The following PPFIA2 variants were observed in gnomAD, a reference collection of about 807,000 sequenced individuals.
PPFIA2 encodes the protein PPFI scaffold protein A2, also known as liprin-alpha-2.
In PPFIA2, 46 loss-of-function variants were observed where a neutral mutation model predicts 175.5. That is an observed-to-expected ratio of 0.26 (90% CI 0.21 to 0.34). PPFIA2 has a LOEUF of 0.34. PPFIA2 is among the 10% of genes least tolerant of loss of function. The pLI, the probability that PPFIA2 is intolerant of heterozygous loss-of-function variation, is 1.00. For synonymous variants in PPFIA2, 568 were observed against 511.4 expected, an observed-to-expected ratio of 1.11 and a Z score of -1.49; for missense variants, 1,179 against 1,506.1, an observed-to-expected ratio of 0.78 and a Z score of 3.60.
chr12:81,343,692 C>T (rs547427900), intron 19 of PPFIA2, among the ~76,000 whole-genome samples: 1 of 152,140 alleles, frequency 6.6e-6, no homozygotes, highest in South Asian at 2.1e-4. Flanking sequence ...GAAAGCTCTA[C>T]TCAATTATCT....
At position 81,486,961 on chromosome 12, in the gene PPFIA2, G is replaced by A. The variant is rs555698084; in HGVS notation, c.304-29095C>T. 2.6e-5 allele frequency among the ~76,000 whole-genome samples: 4 copies of A among 151,886 alleles called. No individual in the cohort carries two copies. In the South Asian group the frequency reaches 8.3e-4, roughly 32 times the overall value. On this transcript the variant is annotated intron_variant, in intron 4 of 32. Transcript: ENST00000549396. ...ATAGTCAAATAATAAACCATATAAAGCCTTGGTACCAGATTTCTTTTAAAA... is the reference window on the plus strand; with the variant it reads ...ATAGTCAAATAATAAACCATATAAAACCTTGGTACCAGATTTCTTTTAAAA...
intron 3 of PPFIA2, among the ~76,000 whole-genome samples, chr12:81,704,022 G>A (rs2076808794): frequency 6.6e-6 from 1 of 152,082 alleles, no homozygotes. Flanking sequence ...TTGTTTACCT[G>A]TTTGTTGTTT....
chr12:81,721,243 A>G (rs975090877), intron 3 of PPFIA2, among the ~76,000 whole-genome samples: 1 of 151,318 alleles, frequency 6.6e-6, no homozygotes, highest in African/African-American at 2.4e-5. Flanking sequence ...AGGTTTTCCT[A>G]GAAAAATTTC....
chr12:81,505,083 T>C lies in PPFIA2; in HGVS notation c.304-47217A>G, dbSNP rs115599498. On this transcript the variant is annotated intron_variant, in intron 4 of 32. Transcript: ENST00000549396. ...GCATGTAGCAGTGGTACATTCCCACTTCCAAATATATTCTGATTTAGTGAG... is the reference window on the plus strand; with the variant it reads ...GCATGTAGCAGTGGTACATTCCCACCTCCAAATATATTCTGATTTAGTGAG... 1.4e-3 allele frequency among the ~76,000 whole-genome samples: 207 copies of C among 152,188 alleles called. 2 individuals carry two copies. Among genetic ancestry groups the C allele is most frequent in the African/African-American group, 4.8e-3 (199 of 41,522 alleles).
At chr12:81,664,077 A>G (rs1409919910) in intron 4 of PPFIA2, among the ~76,000 whole-genome samples, 1 of 152,210 alleles carries the variant, frequency 6.6e-6, no homozygotes, top group Non-Finnish European at 1.5e-5. Flanking sequence ...ACCTAAAACC[A>G]TAAAAACCCT....
chr12:81,519,238 G>C (rs1220580198), intron 4 of PPFIA2, among the ~76,000 whole-genome samples: 1 of 151,974 alleles, frequency 6.6e-6, no homozygotes, highest in Non-Finnish European at 1.5e-5. Flanking sequence ...ATAACTATAG[G>C]TTATATTAAT....
In PPFIA2 at chr12:81,562,275, T is replaced by G. The variant is rs944136504; in HGVS notation, c.304-104409A>C. Among the ~76,000 whole-genome samples, 15 of 152,292 alleles carry G rather than the reference T, an allele frequency of 9.8e-5. No homozygotes were observed. In the South Asian group the frequency reaches 2.1e-3, roughly 21 times the overall value. On this transcript the variant is annotated intron_variant, in intron 4 of 32. Coordinates refer to ENST00000549396, the MANE Select transcript of PPFIA2 (RefSeq NM_003625.5). ...AGTAGTAAGTTATAAGAAGAATAAA[T>G]TATGCTACTTTAAGCCAAGGGTTAA...
At chr12:81,450,338 G>C (rs1008951023) in intron 5 of PPFIA2, among the ~76,000 whole-genome samples, 1 of 152,162 alleles carries the variant, frequency 6.6e-6, no homozygotes, top group African/African-American at 2.4e-5. Context: ...CATTCTAACT[G>C]GTGTGAGATG....
At chr12:81,328,702 C>A (rs1460211404) in intron 21 of PPFIA2, among the ~76,000 whole-genome samples, 1 of 151,846 alleles carries the variant, frequency 6.6e-6, no homozygotes, top group Non-Finnish European at 1.5e-5. Flanking sequence ...AGGGAGGGTG[C>A]ATTTTTTTGG....
At chr12:81,589,091 G>A (rs1236940766) in intron 4 of PPFIA2, among the ~76,000 whole-genome samples, 3 of 152,036 alleles carry the variant, frequency 2.0e-5, no homozygotes, top group African/African-American at 7.2e-5. Flanking sequence ...TTCTTAATTT[G>A]TAATAAAATT....
intron 3 of PPFIA2, among the ~76,000 whole-genome samples, chr12:81,692,837 G>C (rs2075414220): frequency 6.6e-6 from 1 of 151,964 alleles, no homozygotes; most frequent in Non-Finnish European, 1.5e-5. Flanking sequence ...AAACATTTTT[G>C]TGGTGATAAA....
intron 3 of PPFIA2, among the ~76,000 whole-genome samples, chr12:81,677,451 C>G (rs2072752052): frequency 6.6e-6 from 1 of 151,868 alleles, no homozygotes; most frequent in South Asian, 2.1e-4. Context: ...TTCATTTTAT[C>G]TAACTGTAGA....
intron 4 of PPFIA2, among the ~76,000 whole-genome samples, chr12:81,500,992 T>C (rs1299120907): frequency 3.3e-5 from 5 of 152,208 alleles, no homozygotes; most frequent in African/African-American, 1.2e-4. Context: ...CAGTCTATTT[T>C]CAACAGAGTA....
rs1443246243 is a variant in PPFIA2, at chr12:81,429,604, T to G, written c.645+10368A>C. On this transcript the variant is annotated intron_variant, in intron 7 of 32. Coordinates refer to ENST00000549396, the MANE Select transcript of PPFIA2 (RefSeq NM_003625.5). Reference sequence around the variant, plus strand: ...TTAAACTATTCAAATATAGCTGAACTACTCATGGATTTCAGAAGTTCCCTA... The same window carrying G: ...TTAAACTATTCAAATATAGCTGAACGACTCATGGATTTCAGAAGTTCCCTA... 4.6e-5 allele frequency among the ~76,000 whole-genome samples: 7 copies of G among 152,214 alleles called. No individual in the cohort carries two copies. The South Asian group carries it at 1.4e-3, about 32-fold the overall frequency.
chr12:81,330,997 G>A (rs2056004219), intron 21 of PPFIA2, among the ~76,000 whole-genome samples: 1 of 152,150 alleles, frequency 6.6e-6, no homozygotes, highest in Non-Finnish European at 1.5e-5. Context: ...CATTTCTAAT[G>A]GACACTTTGT....
chr12:81,563,360 T>C (rs1337936424), intron 4 of PPFIA2, among the ~76,000 whole-genome samples: 1 of 152,190 alleles, frequency 6.6e-6, no homozygotes, highest in African/African-American at 2.4e-5. Flanking sequence ...TTCTACTGTC[T>C]TAGATTTCTC....
chr12:81,630,445 C>T (rs2063235916), intron 4 of PPFIA2, among the ~76,000 whole-genome samples: 1 of 152,154 alleles, frequency 6.6e-6, no homozygotes, highest in Non-Finnish European at 1.5e-5. Flanking sequence ...ATAGAACATA[C>T]AGGTTACACT....
intron 4 of PPFIA2, among the ~76,000 whole-genome samples, chr12:81,662,414 T>TA (rs1391151744): frequency 6.6e-6 from 1 of 152,138 alleles, no homozygotes; most frequent in Non-Finnish European, 1.5e-5. Flanking sequence ...CAGAGAATAC[T>TA]ATAAACACCT....
At chr12:81,710,334 T>C (rs1034420818) in intron 3 of PPFIA2, among the ~76,000 whole-genome samples, 1 of 151,852 alleles carries the variant, frequency 6.6e-6, no homozygotes, top group Non-Finnish European at 1.5e-5. Flanking sequence ...ACACACACAA[T>C]GTACATCTAA....
Sources: allele counts gnomAD v4.1 joint callset (sites outside exome capture counted in the v4.1 genomes callset), GRCh38; gene constraint gnomAD v4.1.1; transcripts MANE v1.5; gene names NCBI Gene and HGNC (gene_info 2026-07-23, HGNC 2026-07-21).